The following ZNF628 variants were observed in gnomAD, a reference collection of about 807,000 sequenced individuals.
The protein encoded by ZNF628 is zinc finger protein 628.
A neutral mutation model predicts 2.5 loss-of-function variants in ZNF628; 3 were observed. The observed-to-expected ratio is 1.19, with a 90% confidence interval of 0.54 to 3.07. ZNF628 has a LOEUF of 3.07. Ranked by LOEUF, ZNF628 falls within the 30% of genes most tolerant of loss-of-function variation. ZNF628 has a pLI of 0.03. For synonymous variants in ZNF628, 861 were observed against 717.1 expected (o/e 1.20, Z -3.21); for missense variants, 1,610 against 1,517.1 (o/e 1.06, Z -1.02).
Position 55,481,240 on chromosome 19 carries a change from C to T in ZNF628, c.47C>T (p.Ser16Phe), listed in dbSNP as rs1174327035. ...VGSHADMAPA[S>F]TAEGAGEKPG... Reference sequence around the variant, plus strand: ...TCCCACGCGGACATGGCGCCGGCCTCTACTGCGGAGGGGGCCGGGGAGAAG... The same window carrying T: ...TCCCACGCGGACATGGCGCCGGCCTTTACTGCGGAGGGGGCCGGGGAGAAG... The change falls in exon 3 of 3, where the codon TCT (serine) becomes TTT (phenylalanine). Residue 16 changes from serine to phenylalanine, a missense_variant. By Grantham distance (155) the Ser-to-Phe change is radical. Transcript: ENST00000598519. 1 of 1,578,934 alleles carries T rather than the reference C, an allele frequency of 6.3e-7. No individual in the cohort carries two copies. Among genetic ancestry groups the T allele is most frequent in the Admixed American group, 1.8e-5 (1 of 54,956 alleles).
chr19:55,478,919 G>C (rs560269678), intron 1 of ZNF628, among the ~76,000 whole-genome samples: 11 of 152,342 alleles, frequency 7.2e-5, no homozygotes, highest in African/African-American at 2.4e-4. Flanking sequence ...ACCATAGTTA[G>C]ATTTTGGGCA....
rs1278734731 is a variant in ZNF628, at chr19:55,482,731, G to T, written c.1538G>T (p.Gly513Val). The change falls in exon 3 of 3, where the codon GGC (glycine) becomes GTC (valine). Residue 513 changes from glycine (G) to valine (V), a missense_variant. Coordinates refer to ENST00000598519, the MANE Select transcript of ZNF628 (RefSeq NM_033113.3). The stretch of plus-strand genomic sequence containing the variant: ...ACGGGCCTGCGGGCCTTCACCTGTG[G>T]CCAGTGCGGCCTCACCTTCAAGTGG... ...VHTGLRAFTCGQCGLTFKWSS... is the reference protein window; with the variant it reads ...VHTGLRAFTCVQCGLTFKWSS... 2 of 1,611,292 alleles carry T rather than the reference G, an allele frequency of 1.2e-6. No individual in the cohort carries two copies. Among genetic ancestry groups the T allele is most frequent in the Non-Finnish European group, 1.7e-6 (2 of 1,179,022 alleles).
intron 2 of ZNF628, among the ~76,000 whole-genome samples, 200 bp downstream of exon 2, chr19:55,480,117 G>A (rs542074316): frequency 1.1e-4 from 16 of 152,220 alleles, no homozygotes; most frequent in East Asian, 9.7e-4. Flanking sequence ...GTGAAAGGGC[G>A]CGCTGGATGG....
intron 1 of ZNF628, among the ~76,000 whole-genome samples, chr19:55,477,948 G>A (rs1986601779): frequency 6.6e-6 from 1 of 152,194 alleles, no homozygotes; most frequent in African/African-American, 2.4e-5. Context: ...TCTAGCATGG[G>A]GAGGCAGAAT....
Position 55,482,745 on chromosome 19 carries a change from A to G in ZNF628, c.1552A>G (p.Thr518Ala), listed in dbSNP as rs1225185368. 5 of 1,611,488 alleles carry G rather than the reference A, an allele frequency of 3.1e-6. No individual in the cohort carries two copies. Among genetic ancestry groups the G allele is most frequent in the Non-Finnish European group, 4.2e-6 (5 of 1,178,888 alleles). The stretch of plus-strand genomic sequence containing the variant: ...CTTCACCTGTGGCCAGTGCGGCCTC[A>G]CCTTCAAGTGGTCGTCCCACTACCA... ...RAFTCGQCGLTFKWSSHYQYH... is the reference protein window; with the variant it reads ...RAFTCGQCGLAFKWSSHYQYH... The change falls in exon 3 of 3, where the codon ACC becomes GCC. Residue 518 changes from threonine (T) to alanine (A), a missense_variant. Around this residue, in one of 5 missense-constraint regions of ZNF628, gnomAD observed 651 missense variants for 575.6 expected, o/e 1.13. Transcript: ENST00000598519.
In ZNF628 at chr19:55,482,879, C is replaced by A. The variant is rs1286683791; in HGVS notation, c.1686C>A (p.Gly562=). 6.2e-7 allele frequency: 1 copy of A among 1,603,564 alleles called. No homozygotes were observed. Among genetic ancestry groups the A allele is most frequent in the Non-Finnish European group, 8.5e-7 (1 of 1,174,152 alleles). Reference sequence around the variant, plus strand: ...GTCGCCACCGCCACGTGCACACTGGCGAGAGGCCCCACGCCTGCGGTGTCT... The same window carrying A: ...GTCGCCACCGCCACGTGCACACTGGAGAGAGGCCCCACGCCTGCGGTGTCT... The part of the protein sequence containing the change: ...CLRRHRHVHT[G]ERPHACGVCG... Residue 562 remains glycine, a synonymous_variant, in exon 3 of 3, where the codon GGC becomes GGA. Coordinates refer to ENST00000598519, the MANE Select transcript of ZNF628 (RefSeq NM_033113.3).
In ZNF628 at chr19:55,476,723, G is replaced by A. The variant is rs1459674385; in HGVS notation, c.-162G>A. The A allele has an allele frequency of 1.3e-5, 2 of 151,648 alleles. No individual in the cohort carries two copies. Among genetic ancestry groups the A allele is most frequent in the African/African-American group, 2.4e-5 (1 of 41,308 alleles). The allele number at this position is 151,648 out of a possible 1,614,324, so 9.4% of individuals were successfully genotyped here. On this transcript the variant is annotated 5_prime_UTR_variant, in exon 1 of 3. Transcript: ENST00000598519. ...CCTCCCCGGTCCCCACAGCTGCACC[G>A]CCGCTGCCGGGGCCCCACCTTCCCG...
rs933933321 is a variant in ZNF628, at chr19:55,482,431, C to A, written c.1238C>A (p.Ala413Glu). 1 of 1,353,396 alleles carries A rather than the reference C, an allele frequency of 7.4e-7. No homozygotes were observed. The highest frequency in any genetic ancestry group is 3.1e-5 in the East Asian group (1 of 31,836). The allele number at this position is 1,353,396 out of a possible 1,614,324, so 83.8% of individuals were successfully genotyped here. A position where few individuals can be genotyped will look rare whatever the true frequency, so the allele number is the denominator to read the frequency against. ...AHQQCHVEEAAAGRPPPQAEA... is the reference protein window; with the variant it reads ...AHQQCHVEEAEAGRPPPQAEA... ...CAGCAGTGCCACGTGGAAGAGGCCGCGGCCGGGCGCCCGCCCCCGCAGGCT... is the reference window on the plus strand; with the variant it reads ...CAGCAGTGCCACGTGGAAGAGGCCGAGGCCGGGCGCCCGCCCCCGCAGGCT... Residue 413 changes from alanine (A) to glutamate (E), a missense_variant, in exon 3 of 3, where the codon GCG becomes GAG. Physicochemically the swap from Ala to Glu is moderately radical, Grantham distance 107. Around this residue, in one of 5 missense-constraint regions of ZNF628, gnomAD observed 651 missense variants for 575.6 expected, o/e 1.13. Transcript: ENST00000598519.
At position 55,483,325 on chromosome 19, in the gene ZNF628, C is replaced by A. The variant is rs762061939; in HGVS notation, c.2132C>A (p.Thr711Lys). 1 of 1,536,074 alleles carries A rather than the reference C, an allele frequency of 6.5e-7. No homozygotes were observed. The highest frequency in any genetic ancestry group is 1.2e-5 in the South Asian group (1 of 83,162). Residue 711 changes from threonine to lysine, a missense_variant, in exon 3 of 3, where the codon ACG (threonine) becomes AAG (lysine). This residue lies in a region of ZNF628 where 712 missense variants were observed against 603.6 expected (regional missense o/e 1.18). Coordinates refer to ENST00000598519, the MANE Select transcript of ZNF628 (RefSeq NM_033113.3). ...SLGPAAPNSQ[T>K]FLLVQTAQGL... The stretch of plus-strand genomic sequence containing the variant: ...GGGCCAGCAGCGCCCAACTCTCAGA[C>A]GTTCCTCCTGGTGCAAACTGCCCAG...
rs1440109987 is a variant in ZNF628, at chr19:55,479,043, A to G, written c.-77-791A>G. ...AGGCCTGGAGTCATTGTTCATAGAC[A>G]GTGGAGTCCTGAGAGTGGGTGGGGG... On this transcript the variant is annotated intron_variant, in intron 1 of 2. Transcript: ENST00000598519. The surrounding 1 kb of genome is among the most constrained non-coding windows in gnomAD (Gnocchi z 5.1). Among the ~76,000 whole-genome samples, 1 of 152,170 alleles carries G rather than the reference A, an allele frequency of 6.6e-6. No homozygotes were observed. The highest frequency in any genetic ancestry group is 1.5e-5 in the Non-Finnish European group (1 of 68,036).
rs562386563 is a variant in ZNF628 at position 55,479,517 on chromosome 19, C to T, written c.-77-317C>T. On this transcript the variant is annotated intron_variant, in intron 1 of 2. Transcript: ENST00000598519. This position sits in a 1 kb window ranked among gnomAD's most constrained non-coding sequence, Gnocchi z 5.1. ...AGTGGAGGATGTGGGTGGGAAGGCACAGTCCACGGGCACTGGGTCAGGCCT... is the reference window on the plus strand; with the variant it reads ...AGTGGAGGATGTGGGTGGGAAGGCATAGTCCACGGGCACTGGGTCAGGCCT... Among the ~76,000 whole-genome samples, 2 of 152,248 alleles carry T rather than the reference C, an allele frequency of 1.3e-5. No homozygotes were observed. Among genetic ancestry groups the T allele is most frequent in the South Asian group, 2.1e-4 (1 of 4,820 alleles).
chr19:55,480,873 C>T (rs572939221), intron 2 of ZNF628, among the ~76,000 whole-genome samples: 97 of 152,328 alleles, frequency 6.4e-4, no homozygotes, highest in Non-Finnish European at 1.1e-3. Flanking sequence ...CCCTGCCTGT[C>T]TGGAGAGGGA....
At chr19:55,478,102 C>G (rs1378248159) in intron 1 of ZNF628, among the ~76,000 whole-genome samples, 1 of 152,042 alleles carries the variant, frequency 6.6e-6, no homozygotes, top group Admixed American at 6.6e-5. Flanking sequence ...AGGCCAATGT[C>G]AGGCGTCCAG....
chr19:55,483,844 C>G lies in ZNF628; in HGVS notation c.2651C>G (p.Thr884Ser). The change falls in exon 3 of 3, where the codon ACT (threonine) becomes AGT (serine). Residue 884 changes from threonine (T) to serine (S), a missense_variant. Around this residue, in one of 5 missense-constraint regions of ZNF628, gnomAD observed 712 missense variants for 603.6 expected, o/e 1.18. Transcript: ENST00000598519. ...AATTCCAGTGGGGGAGCTGTGGCTA[C>G]TGAGGCACCCAACCTGCTGGTTGTT... Reference protein sequence around the residue: ...LSNSSGGAVATEAPNLLVVQS... With the variant: ...LSNSSGGAVASEAPNLLVVQS... The G allele has an allele frequency of 6.2e-7, 1 of 1,612,952 alleles. No individual in the cohort carries two copies. The highest frequency in any genetic ancestry group is 8.5e-7 in the Non-Finnish European group (1 of 1,179,540).
intron 1 of ZNF628, 79 bp downstream of exon 1, chr19:55,476,886 G>T (rs1395566329): frequency 1.4e-5 from 2 of 142,450 alleles, no homozygotes; most frequent in Non-Finnish European, 3.1e-5. Context: ...GGGGGGGGGG[G>T]CGTGAAACCG....
rs1414239790 is a variant in ZNF628 at position 55,483,918 on chromosome 19, G to A, written c.2725G>A (p.Ala909Thr). The change falls in exon 3 of 3, where the codon GCG becomes ACG. Residue 909 changes from alanine (A) to threonine (T), a missense_variant. This residue lies in a region of ZNF628 where 712 missense variants were observed against 603.6 expected (regional missense o/e 1.18). Coordinates refer to ENST00000598519, the MANE Select transcript of ZNF628 (RefSeq NM_033113.3). Reference sequence around the variant, plus strand: ...GCTCACTGGCCCGGGCCCCGGGGAGGCGGGGGATGGCGAGGCCAGCACTGG... The same window carrying A: ...GCTCACTGGCCCGGGCCCCGGGGAGACGGGGGATGGCGAGGCCAGCACTGG... ...ELLTGPGPGE[A>T]GDGEASTGVV... 6.3e-7 allele frequency: 1 copy of A among 1,580,504 alleles called. No individual in the cohort carries two copies. Among genetic ancestry groups the A allele is most frequent in the Non-Finnish European group, 8.6e-7 (1 of 1,162,348 alleles).
chr19:55,481,091 G>A, intron 2 of ZNF628, 110 bp from the exon 3 acceptor site: 3 of 1,391,932 alleles, frequency 2.2e-6, no homozygotes, highest in Non-Finnish European at 2.8e-6. Flanking sequence ...CCCCTGCAAA[G>A]TGGGTGACCT....
At chr19:55,478,223 C>T (rs1434309364) in intron 1 of ZNF628, among the ~76,000 whole-genome samples, 2 of 152,126 alleles carry the variant, frequency 1.3e-5, no homozygotes, top group African/African-American at 4.8e-5. Context: ...GGCTGAGAAT[C>T]CTGGTACATT....
In ZNF628 at chr19:55,482,472, A is replaced by C; in HGVS notation, c.1279A>C (p.Thr427Pro). Residue 427 changes from threonine to proline, a missense_variant, in exon 3 of 3, where the codon ACC becomes CCC. Physicochemically the swap from Thr to Pro is conservative, Grantham distance 38. Transcript: ENST00000598519. ...PPPQAEAAEV[T>P]CPQEPLAPAA... is the part of the protein sequence containing the mutation. ...CCCGCAGGCTGAGGCTGCGGAGGTG[A>C]CCTGCCCCCAGGAACCGCTGGCGCC... 7.0e-7 allele frequency: 1 copy of C among 1,431,144 alleles called. No homozygotes were observed. The highest frequency in any genetic ancestry group is 9.1e-7 in the Non-Finnish European group (1 of 1,098,862). 88.7% of individuals were successfully genotyped at this position (1,431,144 alleles called of 1,614,324 possible). A position where few individuals can be genotyped will look rare whatever the true frequency, so the allele number is the denominator to read the frequency against.
Sources: gnomAD v4.1 joint callset for allele counts (sites outside exome capture counted in the v4.1 genomes callset) on GRCh38, gnomAD v4.1.1 for gene constraint, gnomAD v4.1.1 regional missense constraint, Gnocchi (gnomAD v3.1) non-coding constraint, MANE v1.5 for transcripts, NCBI Gene and HGNC (gene_info 2026-07-23, HGNC 2026-07-21) for gene names.